Variants in SLC5A2 observed in about 807,000 individuals in gnomAD.
SLC5A2 encodes the protein solute carrier family 5 member 2.
Under a neutral mutation model 69.0 loss-of-function variants are expected in SLC5A2, and 67 were observed. That is an observed-to-expected ratio of 0.97 (90% CI 0.80 to 1.19). The LOEUF is 1.19. Among genes scored for constraint, SLC5A2 ranks in the 50% most tolerant of loss-of-function variants. The pLI is 0.00. For missense variants in SLC5A2, 1,001 were observed against 921.5 expected, an observed-to-expected ratio of 1.09 and a Z score of -1.12; for synonymous variants, 455 against 395.8, an observed-to-expected ratio of 1.15 and a Z score of -1.78.
At position 31,489,216 on chromosome 16, in the gene SLC5A2, T is replaced by TCGGCGTGCCCAGCTTTCCTCTG. The variant is rs987447860; in HGVS notation, c.1552_1573dup (p.His525ProfsTer49). 6 of 1,610,198 alleles carry TCGGCGTGCCCAGCTTTCCTCTG rather than the reference T, an allele frequency of 3.7e-6. No individual in the cohort carries two copies. In the African/African-American group the frequency reaches 5.3e-5, roughly 14 times the overall value. ...CGGCTCGGGCAGCTGTGTGCAGCCC[T>TCGGCGTGCCCAGCTTTCCTCTG]CGGCGTGCCCAGCTTTCCTCTGCGG... is the stretch of plus-strand genomic sequence containing the variant. On this transcript the variant is annotated frameshift_variant, in exon 12 of 14. Coordinates refer to ENST00000330498, the MANE Select transcript of SLC5A2 (RefSeq NM_003041.4). LOFTEE classifies it high-confidence loss of function.
At chr16:31,488,324 C>A (rs2082517537) in intron 8 of SLC5A2, 59 bp from the exon 9 acceptor site, 6 of 1,597,416 alleles carry the variant, frequency 3.8e-6, no homozygotes, top group Non-Finnish European at 4.3e-6. Flanking sequence ...CCAGTCCCCA[C>A]CTCCTGGGAT....
In SLC5A2 at chr16:31,483,166, A is replaced by G. The variant is rs774189291; in HGVS notation, c.30A>G (p.Ala10=). 6.2e-7 allele frequency: 1 copy of G among 1,614,028 alleles called. No individual in the cohort carries two copies. Among genetic ancestry groups the G allele is most frequent in the Admixed American group, 1.7e-5 (1 of 60,026 alleles). Reference sequence around the variant, plus strand: ...AGGAGCACACAGAGGCAGGCTCGGCACCAGAGATGGGGGCCCAGAAGGCCC... The same window carrying G: ...AGGAGCACACAGAGGCAGGCTCGGCGCCAGAGATGGGGGCCCAGAAGGCCC... MEEHTEAGS[A]PEMGAQKALI... Residue 10 remains alanine (A), a synonymous_variant, in exon 1 of 14, where the codon GCA becomes GCG. Transcript: ENST00000330498.
intron 10 of SLC5A2, 26 bp from the exon 11 acceptor site, chr16:31,488,854 G>T (rs748447242): frequency 6.2e-7 from 1 of 1,603,174 alleles, no homozygotes; most frequent in East Asian, 2.2e-5. Context: ...CAGGGTCCGG[G>T]TTCGATCCGA....
chr16:31,485,914 C>T (rs766196995), intron 4 of SLC5A2, 21 bp downstream of exon 4: 103 of 1,612,786 alleles, frequency 6.4e-5, no homozygotes, highest in Non-Finnish European at 8.2e-5. Flanking sequence ...GTGGCAGATG[C>T]GATTGGGCCC....
In SLC5A2 at chr16:31,489,232, T is replaced by C. The variant is rs749734676; in HGVS notation, c.1559T>C (p.Phe520Ser). Residue 520 changes from phenylalanine (F) to serine (S), a missense_variant, in exon 12 of 14, where the codon TTC (phenylalanine) becomes TCC (serine). Transcript: ENST00000330498. ...GTGCAGCCCTCGGCGTGCCCAGCTT[T>C]CCTCTGCGGCGTGCACTACCTCTAC... ...SCVQPSACPAFLCGVHYLYFA... is the reference protein window; with the variant it reads ...SCVQPSACPASLCGVHYLYFA... The C allele has an allele frequency of 6.2e-7, 1 of 1,610,582 alleles. No homozygotes were observed. The highest frequency in any genetic ancestry group is 1.7e-5 in the Admixed American group (1 of 60,030).
In SLC5A2 at chr16:31,489,246, C is replaced by T. The variant is rs1434799238; in HGVS notation, c.1573C>T (p.His525Tyr). 2 of 1,610,528 alleles carry T rather than the reference C, an allele frequency of 1.2e-6. No individual in the cohort carries two copies. The highest frequency in any genetic ancestry group is 1.3e-5 in the African/African-American group (1 of 74,936). Reference protein sequence around the residue: ...SACPAFLCGVHYLYFAIVLFF... With the variant: ...SACPAFLCGVYYLYFAIVLFF... ...GTGCCCAGCTTTCCTCTGCGGCGTG[C>T]ACTACCTCTACTTCGCCATTGTGCT... Residue 525 changes from histidine to tyrosine, a missense_variant, in exon 12 of 14, where the codon CAC becomes TAC. Transcript: ENST00000330498.
rs1567390559 is a variant in SLC5A2 at position 31,488,720 on chromosome 16, T to C, written c.1228T>C (p.Tyr410His). 5 of 1,611,940 alleles carry C rather than the reference T, an allele frequency of 3.1e-6. No individual in the cohort carries two copies. Among genetic ancestry groups the C allele is most frequent in the East Asian group, 2.2e-5 (1 of 44,818 alleles). Residue 410 changes from tyrosine to histidine, a missense_variant, in exon 10 of 14, where the codon TAC (tyrosine) becomes CAC (histidine). Transcript: ENST00000330498. ...SSSTLFTMDI[Y>H]TRLRPRAGDR... The stretch of plus-strand genomic sequence containing the variant: ...CAGCACGCTCTTCACCATGGACATC[T>C]ACACGCGCCTGCGGCCACGCGCCGG...
At position 31,490,035 on chromosome 16, in the gene SLC5A2, G is replaced by T. The variant is rs375719916; in HGVS notation, c.1666-69G>T. The T allele has an allele frequency of 1.1e-4, 183 of 1,605,072 alleles. No homozygotes were observed. The Middle Eastern group carries it at 1.5e-3, about 13-fold the overall frequency. On this transcript the variant is annotated intron_variant, in intron 12 of 13. Transcript: ENST00000330498. ...AGGGCAGGCAGTGACGAGCTGGTGT[G>T]CAAGAGACTTTAGGGCCAGGCATGG...
chr16:31,487,155 C>T (rs956625890), intron 5 of SLC5A2, among the ~76,000 whole-genome samples, 165 bp from the exon 6 acceptor site: 12 of 152,254 alleles, frequency 7.9e-5, no homozygotes, highest in African/African-American at 2.7e-4. Flanking sequence ...CCGCCAAGCC[C>T]TGCTTGTTGG....
intron 3 of SLC5A2, chr16:31,485,293 G>C (rs577503242): frequency 2.2e-6 from 1 of 450,086 alleles, no homozygotes; most frequent in South Asian, 2.1e-5. Context: ...CTTTGCAGAA[G>C]AGAGGAGCAG....
chr16:31,489,362 A>C, intron 12 of SLC5A2, 24 bp downstream of exon 12: 1 of 1,596,786 alleles, frequency 6.3e-7, no homozygotes, highest in East Asian at 2.2e-5. Context: ...TGCCCCAGGC[A>C]AGCACTGTGG....
In SLC5A2 at chr16:31,489,017, TGGCGCTCTTCGTGCC is replaced by T. The variant is rs760742567; in HGVS notation, c.1420_1434del (p.Ala474_Pro478del). 11 of 1,600,638 alleles carry T rather than the reference TGGCGCTCTTCGTGCC, an allele frequency of 6.9e-6. No individual in the cohort carries two copies. The highest frequency in any genetic ancestry group is 8.5e-6 in the Non-Finnish European group (10 of 1,179,764). ...CCGCCCGTGTCCGCCGTCTTCGTGCTGGCGCTCTTCGTGCCGCGCGTTAATGAGCAGGTGAGCGGC... is the reference window on the plus strand; with the variant it reads ...CCGCCCGTGTCCGCCGTCTTCGTGCTGCGCGTTAATGAGCAGGTGAGCGGC... On this transcript the variant is annotated inframe_deletion, in exon 11 of 14. Coordinates refer to ENST00000330498, the MANE Select transcript of SLC5A2 (RefSeq NM_003041.4).
At chr16:31,488,291 G>A in intron 8 of SLC5A2, 92 bp from the exon 9 acceptor site, 1 of 1,595,792 alleles carries the variant, frequency 6.3e-7, no homozygotes, top group East Asian at 2.2e-5. Flanking sequence ...TCCGGGGGTC[G>A]CACGCCTCCT....
chr16:31,483,277 G>T lies in SLC5A2; in HGVS notation c.126+15G>T, dbSNP rs2082470260. 1.2e-6 allele frequency: 2 copies of T among 1,613,794 alleles called. No homozygotes were observed. Among genetic ancestry groups the T allele is most frequent in the South Asian group, 2.2e-5 (2 of 91,074 alleles). On this transcript the variant is annotated intron_variant, in intron 1 of 13. Coordinates refer to ENST00000330498, the MANE Select transcript of SLC5A2 (RefSeq NM_003041.4). ...TTGGCTTGTGGGTGAGAAGTTGGGG[G>T]GTGTGCTGCTGGTGGCTGCTGGCTT... is the stretch of plus-strand genomic sequence containing the variant.
chr16:31,490,371 AGAGGT>A lies in SLC5A2; in HGVS notation c.1857_1861del (p.Val622GlnfsTer83), dbSNP rs749662937. The A allele has an allele frequency of 6.2e-6, 10 of 1,613,252 alleles. No individual in the cohort carries two copies. The highest frequency in any genetic ancestry group is 8.5e-6 in the Non-Finnish European group (10 of 1,179,726). On this transcript the variant is annotated frameshift_variant, in exon 14 of 14. Transcript: ENST00000330498. LOFTEE classifies it high-confidence loss of function. Reference sequence around the variant, plus strand: ...CCTGCTCTGGTTTTGTGGAATGAGCAGAGGTGGGGTGGGCAGTCCTCCGCCCCTTA... The same window carrying A: ...CCTGCTCTGGTTTTGTGGAATGAGCAGGGGTGGGCAGTCCTCCGCCCCTTA...
chr16:31,490,548 T>TG lies in SLC5A2; in HGVS notation c.*15dup. 1 of 1,594,608 alleles carries TG rather than the reference T, an allele frequency of 6.3e-7. No individual in the cohort carries two copies. Among genetic ancestry groups the TG allele is most frequent in the Non-Finnish European group, 8.6e-7 (1 of 1,166,586 alleles). On this transcript the variant is annotated 3_prime_UTR_variant, in exon 14 of 14. Transcript: ENST00000330498. ...CTTCTATGCCTAAGACCAACTGCGT[T>TG]GGACACCATAAGCCACAGCCTCACA... is the stretch of plus-strand genomic sequence containing the variant.
chr16:31,485,117 C>A, intron 3 of SLC5A2, 194 bp downstream of exon 3: 1 of 669,320 alleles, frequency 1.5e-6, no homozygotes, highest in Non-Finnish European at 2.7e-6. Flanking sequence ...CACTGTTGGT[C>A]CTGCTTCTGA....
rs1334753064 is a variant in SLC5A2 at position 31,483,169 on chromosome 16, A to G, written c.33A>G (p.Pro11=). 4 of 1,613,960 alleles carry G rather than the reference A, an allele frequency of 2.5e-6. No homozygotes were observed. Among genetic ancestry groups the G allele is most frequent in the East Asian group, 4.5e-5 (2 of 44,876 alleles). MEEHTEAGSA[P]EMGAQKALID... ...AGCACACAGAGGCAGGCTCGGCACC[A>G]GAGATGGGGGCCCAGAAGGCCCTGA... Residue 11 remains proline, a synonymous_variant, in exon 1 of 14, where the codon CCA becomes CCG. Coordinates refer to ENST00000330498, the MANE Select transcript of SLC5A2 (RefSeq NM_003041.4).
chr16:31,483,551 A>G (rs2082472216), intron 1 of SLC5A2, among the ~76,000 whole-genome samples: 1 of 152,032 alleles, frequency 6.6e-6, no homozygotes, highest in South Asian at 2.1e-4. Context: ...CCAGCAGAAA[A>G]TATTCAAGGT....
Sources: allele counts gnomAD v4.1 joint callset (sites outside exome capture counted in the v4.1 genomes callset), GRCh38; gene constraint gnomAD v4.1.1; transcripts MANE v1.5; gene names NCBI Gene and HGNC (gene_info 2026-07-23, HGNC 2026-07-21).